IL1RAPL2: variants seen among roughly 807,000 people sequenced by gnomAD.
The protein encoded by IL1RAPL2 is X-linked interleukin-1 receptor accessory protein-like 2.
In IL1RAPL2, 3 loss-of-function variants were observed where a neutral mutation model predicts 44.1. The ratio of observed to expected loss-of-function variants is 0.07; its 90% confidence interval spans 0.03 to 0.18. The LOEUF is 0.18. IL1RAPL2 is among the 10% of genes least tolerant of loss of function. The pLI is 1.00. For synonymous variants in IL1RAPL2, 181 were observed against 178.8 expected, an observed-to-expected ratio of 1.01 and a Z score of -0.10; for missense variants, 391 against 496.4, an observed-to-expected ratio of 0.79 and a Z score of 2.02.
intron 2 of IL1RAPL2, among the ~76,000 whole-genome samples, chrX:105,115,711 G>A (rs759362845): frequency 6.2e-5 from 7 of 113,167 alleles, no homozygotes; most frequent in Non-Finnish European, 1.1e-4. Context: ...GCACTGGGCC[G>A]CAGGTGGAGC....
intron 3 of IL1RAPL2, among the ~76,000 whole-genome samples, chrX:105,207,422 C>A (rs2033773063): frequency 9.0e-6 from 1 of 111,579 alleles, no homozygotes; most frequent in Admixed American, 9.5e-5. Flanking sequence ...AACGTAGTCC[C>A]TTGAAAAATA....
chrX:105,433,203 G>A (rs896498002), intron 5 of IL1RAPL2, among the ~76,000 whole-genome samples: 4 of 109,451 alleles, frequency 3.7e-5, no homozygotes, highest in South Asian at 3.9e-4. Flanking sequence ...GTTTTTTCCC[G>A]GAGTGGGAAA....
intron 3 of IL1RAPL2, among the ~76,000 whole-genome samples, chrX:105,210,696 T>G (rs782608878): frequency 9.9e-5 from 11 of 111,316 alleles, no homozygotes; most frequent in Non-Finnish European, 1.1e-4. Flanking sequence ...GAGTACAAAC[T>G]CTTTAATAAC....
At chrX:104,958,916 A>C (rs773539241) in intron 2 of IL1RAPL2, among the ~76,000 whole-genome samples, 7 of 110,332 alleles carry the variant, frequency 6.3e-5, no homozygotes, top group African/African-American at 2.3e-4. Flanking sequence ...TAATTGACTC[A>C]TCATCACTAC....
rs181665448 is a variant in IL1RAPL2, at chrX:105,278,174, G to C, written c.697+10633G>C. On this transcript the variant is annotated intron_variant, in intron 5 of 10. Coordinates refer to ENST00000372582, the MANE Select transcript of IL1RAPL2 (RefSeq NM_017416.2). ...CTGTGGGCTTATTTTGCAAGCAACT[G>C]TGCAGGAGACCAGTTTGGATAGCTG... 8.9e-5 allele frequency among the ~76,000 whole-genome samples: 10 copies of C among 112,015 alleles called. No individual in the cohort carries two copies. In the East Asian group the frequency reaches 2.5e-3, roughly 28 times the overall value.
At chrX:104,717,785 G>A (rs1411118835) in intron 2 of IL1RAPL2, among the ~76,000 whole-genome samples, 1 of 107,681 alleles carries the variant, frequency 9.3e-6, no homozygotes, top group Non-Finnish European at 1.9e-5. Flanking sequence ...TCCCCGGTGT[G>A]TGATGTTCCC....
chrX:105,283,076 A>C (rs1158381995), intron 5 of IL1RAPL2, among the ~76,000 whole-genome samples: 1 of 111,222 alleles, frequency 9.0e-6, no homozygotes, highest in South Asian at 3.8e-4. Context: ...AAAAATATCT[A>C]ATGAAGTGGA....
At chrX:104,971,091 T>C (rs772858452) in intron 2 of IL1RAPL2, among the ~76,000 whole-genome samples, 214 of 112,214 alleles carry the variant, frequency 1.9e-3, no homozygotes, top group Middle Eastern at 0.014. Context: ...GTGACACCTG[T>C]AATCCCAGCA....
chrX:104,677,974 C>A (rs1930815881), intron 2 of IL1RAPL2, among the ~76,000 whole-genome samples: 1 of 112,214 alleles, frequency 8.9e-6, no homozygotes, highest in Non-Finnish European at 1.9e-5. Context: ...GTGCGCGCAC[C>A]CACTGACCTG....
Position 104,900,499 on chromosome X carries a change from A to T in IL1RAPL2, c.82+241504A>T, listed in dbSNP as rs4278277. Among the ~76,000 whole-genome samples the T allele has an allele frequency of 4.0e-3, 441 of 109,540 alleles. 1 individual carries two copies. The highest frequency in any genetic ancestry group is 6.4e-3 in the Non-Finnish European group (337 of 52,623). On this transcript the variant is annotated intron_variant, in intron 2 of 10. Transcript: ENST00000372582. ...TGCAACAATGCTACATTAAAAACCA[A>T]CCCCCAAACTCACTGGCTTAAAACA...
At chrX:104,790,037 G>A (rs971685635) in intron 2 of IL1RAPL2, among the ~76,000 whole-genome samples, 1 of 112,354 alleles carries the variant, frequency 8.9e-6, no homozygotes, top group African/African-American at 3.2e-5. Context: ...CTGTCTGAAG[G>A]ACACAACAGG....
intron 2 of IL1RAPL2, among the ~76,000 whole-genome samples, chrX:104,966,280 T>TC (rs1261401748): frequency 2.7e-5 from 3 of 111,635 alleles, no homozygotes; most frequent in Non-Finnish European, 5.7e-5. Context: ...AATGGACTAA[T>TC]GTGACAAATT....
intron 3 of IL1RAPL2, among the ~76,000 whole-genome samples, chrX:105,221,725 C>T (rs1034047209): frequency 2.6e-4 from 29 of 112,082 alleles, no homozygotes; most frequent in African/African-American, 8.7e-4. Flanking sequence ...TAGATAGGAA[C>T]TCAAAGTATG....
At chrX:105,315,579 T>G (rs867643878) in intron 5 of IL1RAPL2, among the ~76,000 whole-genome samples, 1 of 20,024 alleles carries the variant, frequency 5.0e-5, no homozygotes, top group African/African-American at 4.5e-4. Context: ...CTAATGGATG[T>G]ATATATATAT....
In IL1RAPL2 at chrX:105,362,198, AAT is replaced by A. The variant is rs779527391; in HGVS notation, c.697+94659_697+94660del. 3.7e-4 allele frequency among the ~76,000 whole-genome samples: 41 copies of A among 111,616 alleles called. No homozygotes were observed. The South Asian group carries it at 0.015, about 40-fold the overall frequency. On this transcript the variant is annotated intron_variant, in intron 5 of 10. Transcript: ENST00000372582. The stretch of plus-strand genomic sequence containing the variant: ...CTTTCCTTTAGCACACGTGAAACAG[AAT>A]AGTGTTCCTGCTGTAGGATTTTCAT...
At chrX:105,320,861 G>A (rs1488242813) in intron 5 of IL1RAPL2, among the ~76,000 whole-genome samples, 2 of 111,766 alleles carry the variant, frequency 1.8e-5, no homozygotes, top group Non-Finnish European at 3.8e-5. Context: ...TTTGAACCCT[G>A]CCCCATGCCT....
chrX:104,868,139 G>A lies in IL1RAPL2; in HGVS notation c.82+209144G>A, dbSNP rs543075800. 6.2e-5 allele frequency among the ~76,000 whole-genome samples: 7 copies of A among 112,079 alleles called. No homozygotes were observed. In the South Asian group the frequency reaches 1.9e-3, roughly 30 times the overall value. On this transcript the variant is annotated intron_variant, in intron 2 of 10. Transcript: ENST00000372582. Reference sequence around the variant, plus strand: ...TATTTCCAGAAGACTTGCTTGGAAAGTAGTTTTAAGTGAGACTATGAGCAT... The same window carrying A: ...TATTTCCAGAAGACTTGCTTGGAAAATAGTTTTAAGTGAGACTATGAGCAT...
intron 6 of IL1RAPL2, among the ~76,000 whole-genome samples, chrX:105,513,363 G>A (rs756236841): frequency 3.6e-5 from 4 of 111,384 alleles, no homozygotes; most frequent in African/African-American, 1.3e-4. Flanking sequence ...CACAATGATT[G>A]AACTAATTTA....
intron 3 of IL1RAPL2, among the ~76,000 whole-genome samples, chrX:105,198,201 A>G (rs1395464288): frequency 2.7e-5 from 3 of 111,881 alleles, no homozygotes; most frequent in Non-Finnish European, 3.8e-5. Context: ...TAGCACTACG[A>G]TAAATACATA....
Sources: gnomAD v4.1 joint callset for allele counts (sites outside exome capture counted in the v4.1 genomes callset) on GRCh38, gnomAD v4.1.1 for gene constraint, MANE v1.5 for transcripts, NCBI Gene and HGNC (gene_info 2026-07-23, HGNC 2026-07-21) for gene names.